The following AGAP1 variants were observed in gnomAD, a reference collection of about 807,000 sequenced individuals.
AGAP1 encodes arf-GAP with GTPase, ANK repeat and PH domain-containing protein 1.
Under a neutral mutation model 105.3 loss-of-function variants are expected in AGAP1, and 29 were observed. The observed-to-expected ratio is 0.28, with a 90% CI of 0.21 to 0.38. The LOEUF is 0.38. AGAP1 is among the 10% of genes least tolerant of loss of function. AGAP1 has a pLI of 1.00. For missense variants in AGAP1, 998 were observed against 1,165.1 expected (o/e 0.86, Z 2.09); for synonymous variants, 509 against 485.9 (o/e 1.05, Z -0.63).
chr2:235,658,930 T>C (rs1476175429), intron 1 of AGAP1, among the ~76,000 whole-genome samples: 10 of 152,372 alleles, frequency 6.6e-5, no homozygotes, highest in Admixed American at 4.6e-4. Flanking sequence ...AAAGCTCTTT[T>C]AGCACGTTGC....
At chr2:235,773,639 C>T (rs1435639733) in intron 6 of AGAP1, among the ~76,000 whole-genome samples, 2 of 152,160 alleles carry the variant, frequency 1.3e-5, no homozygotes, top group Non-Finnish European at 2.9e-5. Flanking sequence ...GTTCTACTAC[C>T]TCACTATAGA....
chr2:236,017,957 G>A (rs769745218), intron 13 of AGAP1, among the ~76,000 whole-genome samples: 13 of 152,170 alleles, frequency 8.5e-5, no homozygotes, highest in Admixed American at 4.6e-4. Context: ...CCACGTGGAA[G>A]GAGTTTGTGG....
intron 16 of AGAP1, among the ~76,000 whole-genome samples, chr2:236,106,589 C>T (rs529990254): frequency 1.3e-5 from 2 of 152,314 alleles, no homozygotes; most frequent in South Asian, 4.1e-4. Flanking sequence ...TCCAGGAACC[C>T]GAGAATTCAC....
intron 6 of AGAP1, among the ~76,000 whole-genome samples, chr2:235,762,546 G>A (rs2696403): frequency 0.28 from 42,545 of 152,014 alleles, 6,269 homozygotes; most frequent in Admixed American, 0.41. Flanking sequence ...AGTCAGCTGG[G>A]AAGAGTGGAT....
At chr2:235,679,028 G>A (rs1320046909) in intron 1 of AGAP1, among the ~76,000 whole-genome samples, 1 of 152,246 alleles carries the variant, frequency 6.6e-6, no homozygotes, top group East Asian at 1.9e-4. Context: ...CTGATTTCAG[G>A]TGTGTGGATA....
At chr2:235,844,912 A>G (rs1183690537) in intron 9 of AGAP1, among the ~76,000 whole-genome samples, 2 of 152,098 alleles carry the variant, frequency 1.3e-5, no homozygotes, top group Non-Finnish European at 2.9e-5. Context: ...CAAACATTGT[A>G]GCACCCATCA....
At chr2:235,541,305 A>G (rs1019211366) in intron 1 of AGAP1, among the ~76,000 whole-genome samples, 2 of 145,740 alleles carry the variant, frequency 1.4e-5, no homozygotes, top group South Asian at 2.1e-4. Context: ...CCTCTTCTCC[A>G]TTTACTTTGC....
intron 1 of AGAP1, among the ~76,000 whole-genome samples, chr2:235,523,455 A>G (rs182971620): frequency 1.3e-5 from 2 of 152,314 alleles, no homozygotes; most frequent in African/African-American, 4.8e-5. Flanking sequence ...ACTGCTTCCC[A>G]TCGGTGCCTG....
In AGAP1 at chr2:235,615,638, A is replaced by G. The variant is rs1034777771; in HGVS notation, c.164-93541A>G. ...GCTCCCCTGACTTCACAGGATAGCT[A>G]TGCATTTTGCCTCTTGGGGAGCTGG... On this transcript the variant is annotated intron_variant, in intron 1 of 17. Transcript: ENST00000304032. The surrounding 1 kb of genome is among the most constrained non-coding windows in gnomAD (Gnocchi z 5.0). Among the ~76,000 whole-genome samples the G allele has an allele frequency of 5.3e-5, 8 of 152,196 alleles. No individual in the cohort carries two copies. Among genetic ancestry groups the G allele is most frequent in the Non-Finnish European group, 1.0e-4 (7 of 68,032 alleles).
intron 12 of AGAP1, among the ~76,000 whole-genome samples, chr2:235,944,295 A>C (rs953204056): frequency 6.6e-6 from 1 of 152,242 alleles, no homozygotes; most frequent in African/African-American, 2.4e-5. Context: ...TCATAGTTCA[A>C]GAATTCAGCT....
In AGAP1 at chr2:235,719,930, C is replaced by T. The variant is rs1951296896; in HGVS notation, c.310+2286C>T. 6.6e-6 allele frequency among the ~76,000 whole-genome samples: 1 copy of T among 152,224 alleles called. No homozygotes were observed. Among genetic ancestry groups the T allele is most frequent in the Admixed American group, 6.5e-5 (1 of 15,290 alleles). ...TGTGCCTGGAAGCTTCTTAGTCCTG[C>T]TGAATTCATGCTTCTCATGGCTGAG... On this transcript the variant is annotated intron_variant, in intron 3 of 17. Transcript: ENST00000304032. The surrounding 1 kb of genome is among the most constrained non-coding windows in gnomAD (Gnocchi z 4.9).
At chr2:236,093,770 T>TTGAAATCTTGAAAAAC (rs2059123230) in intron 16 of AGAP1, among the ~76,000 whole-genome samples, 1 of 152,030 alleles carries the variant, frequency 6.6e-6, no homozygotes. Flanking sequence ...ATCCCAAGTA[T>TTGAAATCTTGAAAAAC]TGAAATCTCT....
intron 1 of AGAP1, among the ~76,000 whole-genome samples, chr2:235,516,579 G>A (rs919326695): frequency 3.3e-5 from 5 of 152,150 alleles, no homozygotes; most frequent in South Asian, 2.1e-4. Context: ...CAGCCTGAGC[G>A]TAGTTCATGC....
chr2:236,081,665 T>TA (rs1256088160), intron 16 of AGAP1, among the ~76,000 whole-genome samples: 8 of 135,654 alleles, frequency 5.9e-5, no homozygotes, highest in African/African-American at 2.2e-4. Context: ...GAAAGTTCTG[T>TA]GGGTTTTTTT....
At position 236,096,916 on chromosome 2, in the gene AGAP1, C is replaced by T. The variant is rs1385116264; in HGVS notation, c.2115-23276C>T. ...TTTTAAACTGAAGTTTCATCCTTGC[C>T]GTATCACGTGGCCAATCCATTCATC... On this transcript the variant is annotated intron_variant, in intron 16 of 17. Coordinates refer to ENST00000304032, the MANE Select transcript of AGAP1 (RefSeq NM_001037131.3). The surrounding 1 kb of genome is among the most constrained non-coding windows in gnomAD (Gnocchi z 4.4). Among the ~76,000 whole-genome samples the T allele has an allele frequency of 1.3e-5, 2 of 152,070 alleles. No individual in the cohort carries two copies. The highest frequency in any genetic ancestry group is 2.4e-5 in the African/African-American group (1 of 41,420).
rs992879837 is a variant in AGAP1, at chr2:236,126,410, A to G, written c.*2288A>G. 1 of 152,228 alleles carries G rather than the reference A, an allele frequency of 6.6e-6. No homozygotes were observed. Among genetic ancestry groups the G allele is most frequent in the African/African-American group, 2.4e-5 (1 of 41,464 alleles). The allele number at this position is 152,228 out of a possible 1,614,324, so 9.4% of individuals were successfully genotyped here. ...ATAAATGAAATTGTTAAATTATTTC[A>G]TTGTAGTTAATTCCCACTATAGGAA... On this transcript the variant is annotated 3_prime_UTR_variant, in exon 18 of 18. Coordinates refer to ENST00000304032, the MANE Select transcript of AGAP1 (RefSeq NM_001037131.3).
chr2:235,620,458 A>G lies in AGAP1; in HGVS notation c.164-88721A>G, dbSNP rs566176315. ...TGCTCATGGCTCTGCTGATCCTTCA[A>G]CCAAATGCATGCTCCTGACCCTTAC... is the stretch of plus-strand genomic sequence containing the variant. On this transcript the variant is annotated intron_variant, in intron 1 of 17. Transcript: ENST00000304032. This position sits in a 1 kb window ranked among gnomAD's most constrained non-coding sequence, Gnocchi z 4.5. 3.3e-5 allele frequency among the ~76,000 whole-genome samples: 5 copies of G among 152,136 alleles called. No homozygotes were observed. The highest frequency in any genetic ancestry group is 2.9e-5 in the Non-Finnish European group (2 of 68,000).
rs1030913674 is a variant in AGAP1, at chr2:235,553,531, A to G, written c.163+58682A>G. Among the ~76,000 whole-genome samples the G allele has an allele frequency of 1.2e-4, 19 of 152,138 alleles. No individual in the cohort carries two copies. Among genetic ancestry groups the G allele is most frequent in the African/African-American group, 4.1e-4 (17 of 41,474 alleles). ...AACAATTGCTTCTGCTAGAATCATCATTGTCAATATTAAGAAGGCGAGTCC... is the reference window on the plus strand; with the variant it reads ...AACAATTGCTTCTGCTAGAATCATCGTTGTCAATATTAAGAAGGCGAGTCC... On this transcript the variant is annotated intron_variant, in intron 1 of 17. Coordinates refer to ENST00000304032, the MANE Select transcript of AGAP1 (RefSeq NM_001037131.3). The surrounding 1 kb of genome is among the most constrained non-coding windows in gnomAD (Gnocchi z 4.5).
At position 235,720,586 on chromosome 2, in the gene AGAP1, A is replaced by C; in HGVS notation, c.310+2942A>C. On this transcript the variant is annotated intron_variant, in intron 3 of 17. Coordinates refer to ENST00000304032, the MANE Select transcript of AGAP1 (RefSeq NM_001037131.3). This position sits in a 1 kb window ranked among gnomAD's most constrained non-coding sequence, Gnocchi z 5.0. Reference sequence around the variant, plus strand: ...GACCTCCTTTCCTCTTACAACTGCTAGAGCGATCAACTGGGCAGCTACTTT... The same window carrying C: ...GACCTCCTTTCCTCTTACAACTGCTCGAGCGATCAACTGGGCAGCTACTTT... 7.2e-6 allele frequency: 6 copies of C among 837,282 alleles called. No individual in the cohort carries two copies. The highest frequency in any genetic ancestry group is 5.5e-5 in the South Asian group (1 of 18,094). The allele number at this position is 837,282 out of a possible 1,614,324, so 51.9% of individuals were successfully genotyped here.
Sources: allele counts gnomAD v4.1 joint callset (sites outside exome capture counted in the v4.1 genomes callset), GRCh38; gene constraint gnomAD v4.1.1; non-coding constraint Gnocchi (gnomAD v3.1); transcripts MANE v1.5; gene names NCBI Gene and HGNC (gene_info 2026-07-23, HGNC 2026-07-21).